ADARB2: variants seen among roughly 807,000 people sequenced by gnomAD.
ADARB2 encodes the protein inactive double-stranded RNA-specific editase B2.
ADARB2 carries 25 observed loss-of-function variants against 62.2 expected under a neutral mutation model. The observed-to-expected ratio is 0.40, with a 90% CI of 0.29 to 0.56. ADARB2 has a LOEUF of 0.56. Among genes scored for constraint, ADARB2 ranks in the 20% least tolerant of loss-of-function variants. The pLI is 0.43. For missense variants in ADARB2, 1,071 were observed against 1,077.4 expected (o/e 0.99, Z 0.08); for synonymous variants, 572 against 500.8 (o/e 1.14, Z -1.90).
Position 1,240,695 on chromosome 10 carries a change from C to T in ADARB2, c.1361+1436G>A, listed in dbSNP as rs191419394. Among the ~76,000 whole-genome samples the T allele has an allele frequency of 2.1e-3, 313 of 152,312 alleles. 1 individual carries two copies. The highest frequency in any genetic ancestry group is 7.1e-3 in the African/African-American group (296 of 41,568). The stretch of plus-strand genomic sequence containing the variant: ...CTGGTTCCCCATGCAGGGCAGGCGT[C>T]GGGTGCACCTGTCTGTGGACCCCCC... On this transcript the variant is annotated intron_variant, in intron 5 of 9. Transcript: ENST00000381312.
intron 1 of ADARB2, among the ~76,000 whole-genome samples, chr10:1,513,668 G>T (rs1319624079): frequency 1.3e-5 from 2 of 152,220 alleles, no homozygotes; most frequent in African/African-American, 4.8e-5. Flanking sequence ...CTCTGCCCAG[G>T]TGCATGCTCA....
intron 1 of ADARB2, among the ~76,000 whole-genome samples, chr10:1,616,064 C>T (rs1291119247): frequency 1.3e-5 from 2 of 152,198 alleles, no homozygotes; most frequent in African/African-American, 2.4e-5. Context: ...CAGGGGGAGG[C>T]TGGAATTCTA....
At chr10:1,366,805 G>C (rs1832317830) in intron 2 of ADARB2, among the ~76,000 whole-genome samples, 1 of 152,244 alleles carries the variant, frequency 6.6e-6, no homozygotes, top group African/African-American at 2.4e-5. Context: ...ATGGTGAGCT[G>C]TCCCAGGCAA....
chr10:1,411,083 C>G (rs1366769267), intron 1 of ADARB2, among the ~76,000 whole-genome samples: 1 of 152,228 alleles, frequency 6.6e-6, no homozygotes, highest in Non-Finnish European at 1.5e-5. Flanking sequence ...CTGCTCTCCT[C>G]TCTGCAGCCT....
At chr10:1,554,490 C>G (rs984238148) in intron 1 of ADARB2, among the ~76,000 whole-genome samples, 37 of 152,154 alleles carry the variant, frequency 2.4e-4, no homozygotes, top group Admixed American at 7.9e-4. Context: ...TCCACTGTCC[C>G]CCAGCCAGCA....
chr10:1,727,991 C>A (rs949754932), intron 1 of ADARB2, among the ~76,000 whole-genome samples: 12 of 152,224 alleles, frequency 7.9e-5, no homozygotes, highest in Admixed American at 7.2e-4. Flanking sequence ...ACGCACCATA[C>A]TTTAAAATCA....
intron 1 of ADARB2, among the ~76,000 whole-genome samples, chr10:1,576,935 C>T (rs986591331): frequency 7.9e-5 from 12 of 152,112 alleles, no homozygotes; most frequent in Admixed American, 1.3e-4. Flanking sequence ...GAGGTGTCTC[C>T]AAGGGGCTGG....
chr10:1,722,956 C>A (rs1227322220), intron 1 of ADARB2, among the ~76,000 whole-genome samples: 1 of 152,212 alleles, frequency 6.6e-6, no homozygotes, highest in Non-Finnish European at 1.5e-5. Flanking sequence ...CACATACACG[C>A]ACACACAGGT....
At chr10:1,505,691 G>A (rs1411417563) in intron 1 of ADARB2, among the ~76,000 whole-genome samples, 8 of 111,644 alleles carry the variant, frequency 7.2e-5, no homozygotes, top group South Asian at 5.4e-4. Context: ...TGCCACTTCC[G>A]TCCCCACCGT....
chr10:1,241,563 A>G (rs1830924057), intron 5 of ADARB2, among the ~76,000 whole-genome samples: 1 of 152,090 alleles, frequency 6.6e-6, no homozygotes. Flanking sequence ...GCTGCAAACC[A>G]CCTGGGTTTT....
intron 1 of ADARB2, among the ~76,000 whole-genome samples, chr10:1,457,966 A>T (rs1166450400): frequency 6.6e-6 from 1 of 151,478 alleles, no homozygotes. Context: ...AGCCTCCAAG[A>T]ACGTAACCAT....
At chr10:1,205,756 C>T (rs918887729) in intron 7 of ADARB2, among the ~76,000 whole-genome samples, 8 of 152,264 alleles carry the variant, frequency 5.3e-5, no homozygotes, top group Non-Finnish European at 1.2e-4. Context: ...GGAGCGGATT[C>T]CTGTCGTGGG....
intron 3 of ADARB2, among the ~76,000 whole-genome samples, chr10:1,303,238 C>T (rs1002688634): frequency 6.6e-6 from 1 of 151,978 alleles, no homozygotes; most frequent in Non-Finnish European, 1.5e-5. Context: ...AATGCAGAAG[C>T]CTCAGGAGCC....
chr10:1,343,008 G>T (rs1366138080), intron 3 of ADARB2, among the ~76,000 whole-genome samples: 2 of 152,204 alleles, frequency 1.3e-5, no homozygotes, highest in African/African-American at 4.8e-5. Context: ...ACAAGAACAG[G>T]GTGTGGTCAT....
At chr10:1,616,573 A>C (rs111383286) in intron 1 of ADARB2, among the ~76,000 whole-genome samples, 1 of 103,628 alleles carries the variant, frequency 9.6e-6, no homozygotes, top group African/African-American at 4.1e-5. Flanking sequence ...ACTCCGCACC[A>C]CCCTGCTGTG....
intron 1 of ADARB2, among the ~76,000 whole-genome samples, chr10:1,532,061 G>C (rs1832250197): frequency 6.6e-6 from 1 of 152,252 alleles, no homozygotes; most frequent in Middle Eastern, 3.4e-3. Flanking sequence ...AAACATCCCT[G>C]GGCACCCAGG....
intron 2 of ADARB2, among the ~76,000 whole-genome samples, chr10:1,367,310 C>T (rs1314708922): frequency 3.3e-5 from 5 of 152,186 alleles, no homozygotes; most frequent in Non-Finnish European, 7.4e-5. Context: ...GCTAAAATCT[C>T]TATTTCTCAT....
At chr10:1,624,135 G>A (rs1833739313) in intron 1 of ADARB2, among the ~76,000 whole-genome samples, 1 of 152,170 alleles carries the variant, frequency 6.6e-6, no homozygotes, top group South Asian at 2.1e-4. Context: ...TTGGGAGGCT[G>A]AGGTGGGGGT....
At chr10:1,624,765 G>T (rs1333344772) in intron 1 of ADARB2, among the ~76,000 whole-genome samples, 2 of 152,060 alleles carry the variant, frequency 1.3e-5, no homozygotes, top group Admixed American at 6.6e-5. Context: ...GGAACAAAAT[G>T]ACTTCTAATT....
Sources: allele counts gnomAD v4.1 joint callset (sites outside exome capture counted in the v4.1 genomes callset), GRCh38; gene constraint gnomAD v4.1.1; transcripts MANE v1.5; gene names NCBI Gene and HGNC (gene_info 2026-07-23, HGNC 2026-07-21).